The following HMGB1 variants were observed in gnomAD, a reference collection of about 807,000 sequenced individuals.
The protein encoded by HMGB1 is high mobility group protein B1.
For synonymous variants in HMGB1, 81 were observed against 84.0 expected, an observed-to-expected ratio of 0.96 and a Z score of 0.19; for missense variants, 79 against 253.5, an observed-to-expected ratio of 0.31 and a Z score of 4.67.
chr13:30,534,490 G>C (rs886614817), intron 1 of HMGB1, among the ~76,000 whole-genome samples: 1 of 152,092 alleles, frequency 6.6e-6, no homozygotes, highest in African/African-American at 2.4e-5. Context: ...ACTTTCCAAG[G>C]ACTGCCCTTA....
intron 1 of HMGB1, among the ~76,000 whole-genome samples, chr13:30,513,950 T>A (rs1888047130): frequency 6.6e-6 from 1 of 152,114 alleles, no homozygotes; most frequent in South Asian, 2.1e-4. Context: ...GGTGTCTCTA[T>A]GTTGCCTAGG....
chr13:30,543,963 G>A (rs537760251), intron 1 of HMGB1, among the ~76,000 whole-genome samples: 99 of 152,308 alleles, frequency 6.5e-4, no homozygotes, highest in African/African-American at 2.3e-3. Context: ...TGCTTATATT[G>A]TCCTTGGTAT....
intron 1 of HMGB1, among the ~76,000 whole-genome samples, chr13:30,582,507 G>A (rs1434964723): frequency 2.6e-5 from 4 of 152,048 alleles, no homozygotes; most frequent in East Asian, 1.9e-4. Context: ...GCGTGGTGGC[G>A]GGTGCCTGTG....
intron 1 of HMGB1, among the ~76,000 whole-genome samples, chr13:30,499,603 A>T (rs1473731037): frequency 6.6e-6 from 1 of 152,192 alleles, no homozygotes; most frequent in Non-Finnish European, 1.5e-5. Context: ...AAAAACCACA[A>T]TACCCTTTTC....
chr13:30,522,951 T>C (rs7139587), intron 1 of HMGB1, among the ~76,000 whole-genome samples: 117,936 of 152,050 alleles, frequency 0.78, 46,450 homozygotes, highest in Non-Finnish European at 0.84. Flanking sequence ...TGGGTTCAAG[T>C]GATCCACCCA....
At chr13:30,522,310 G>C (rs1422345800) in intron 1 of HMGB1, among the ~76,000 whole-genome samples, 3 of 151,886 alleles carry the variant, frequency 2.0e-5, no homozygotes, top group South Asian at 4.2e-4. Flanking sequence ...ACTGGGTCTT[G>C]ACATGTTGGT....
rs1886259662 is a variant in HMGB1, at chr13:30,460,585, CA to C, written c.*771del. The C allele has an allele frequency of 6.6e-6, 1 of 152,498 alleles. No individual in the cohort carries two copies. Among genetic ancestry groups the C allele is most frequent in the Non-Finnish European group, 1.5e-5 (1 of 67,998 alleles). The allele number at this position is 152,498 out of a possible 1,614,324, so 9.4% of individuals were successfully genotyped here. On this transcript the variant is annotated 3_prime_UTR_variant, in exon 5 of 5. Transcript: ENST00000341423. ...TATTAGTCCTTCAAGGACAGACTTT[CA>C]AAATGTTTGATTCTAATAATCCCAT...
intron 1 of HMGB1, among the ~76,000 whole-genome samples, chr13:30,475,303 C>T (rs1203196945): frequency 6.7e-6 from 1 of 149,004 alleles, no homozygotes; most frequent in Non-Finnish European, 1.5e-5. Flanking sequence ...CAGTCTCCTC[C>T]CACCTCTCCC....
intron 1 of HMGB1, among the ~76,000 whole-genome samples, chr13:30,571,717 T>A (rs1870444867): frequency 6.6e-6 from 1 of 152,194 alleles, no homozygotes; most frequent in East Asian, 1.9e-4. Context: ...TAAATCCATC[T>A]GAATCTACAG....
intron 1 of HMGB1, among the ~76,000 whole-genome samples, chr13:30,615,195 T>G (rs1209555331): frequency 6.6e-6 from 1 of 152,226 alleles, no homozygotes; most frequent in Non-Finnish European, 1.5e-5. Flanking sequence ...ATGATACACG[T>G]ATTTTTTTCT....
At chr13:30,528,533 G>C (rs533798582) in intron 1 of HMGB1, among the ~76,000 whole-genome samples, 1 of 152,266 alleles carries the variant, frequency 6.6e-6, no homozygotes, top group East Asian at 1.9e-4. Context: ...CCAGACGCCC[G>C]CATATGCAGT....
At chr13:30,547,871 T>C (rs1357744195) in intron 1 of HMGB1, among the ~76,000 whole-genome samples, 2 of 152,136 alleles carry the variant, frequency 1.3e-5, no homozygotes, top group South Asian at 2.1e-4. Context: ...TGAGCCAAGA[T>C]TGTGCCACTG....
intron 1 of HMGB1, among the ~76,000 whole-genome samples, chr13:30,605,906 C>T (rs1463126743): frequency 1.3e-5 from 2 of 152,088 alleles, no homozygotes; most frequent in South Asian, 2.1e-4. Flanking sequence ...CTAAATATAC[C>T]TCGGATGTAT....
intron 1 of HMGB1, among the ~76,000 whole-genome samples, chr13:30,549,051 A>C (rs1358892807): frequency 6.6e-6 from 1 of 152,252 alleles, no homozygotes; most frequent in Non-Finnish European, 1.5e-5. Flanking sequence ...TAATCTCAAC[A>C]CTTTGGGAGG....
intron 1 of HMGB1, among the ~76,000 whole-genome samples, chr13:30,531,659 G>C (rs887486756): frequency 3.9e-5 from 6 of 151,940 alleles, no homozygotes; most frequent in African/African-American, 1.4e-4. Context: ...CAGCACTTTG[G>C]GAGGCCGAGG....
At chr13:30,572,661 C>T (rs1441472667) in intron 1 of HMGB1, among the ~76,000 whole-genome samples, 2 of 152,186 alleles carry the variant, frequency 1.3e-5, no homozygotes, top group African/African-American at 2.4e-5. Flanking sequence ...ACTCCGTTGA[C>T]CCTGGTGTAA....
chr13:30,501,335 A>G (rs1020398777), intron 1 of HMGB1, among the ~76,000 whole-genome samples: 30 of 152,146 alleles, frequency 2.0e-4, no homozygotes, highest in Non-Finnish European at 3.5e-4. Flanking sequence ...ACCATCCTCA[A>G]CTGTGTACAT....
chr13:30,469,466 GT>G (rs1272125983), upstream of HMGB1, among the ~76,000 whole-genome samples: 11 of 119,544 alleles, frequency 9.2e-5, 2 homozygotes, highest in South Asian at 6.7e-4. Flanking sequence ...TGTATTTTTT[GT>G]TTTTTTTTTT....
chr13:30,530,294 C>T (rs1231030358), intron 1 of HMGB1, among the ~76,000 whole-genome samples: 5 of 152,096 alleles, frequency 3.3e-5, no homozygotes, highest in Non-Finnish European at 7.4e-5. Context: ...GATTTGGGTC[C>T]CATGCCCACG....
Sources: allele counts gnomAD v4.1 joint callset (sites outside exome capture counted in the v4.1 genomes callset), GRCh38; gene constraint gnomAD v4.1.1; transcripts MANE v1.5; gene names NCBI Gene and HGNC (gene_info 2026-07-23, HGNC 2026-07-21).